Variants in NKAIN2 observed in about 807,000 individuals in gnomAD.
NKAIN2 encodes the protein sodium/potassium-transporting ATPase subunit beta-1-interacting protein 2.
Under a neutral mutation model 32.6 loss-of-function variants are expected in NKAIN2, and 14 were observed. The observed-to-expected ratio is 0.43, with a 90% CI of 0.28 to 0.67. NKAIN2 has a LOEUF of 0.67. Among genes scored for constraint, NKAIN2 ranks in the 30% least tolerant of loss-of-function variants. NKAIN2 has a pLI of 0.17. For missense variants in NKAIN2, 198 were observed against 258.3 expected (o/e 0.77, Z 1.60); for synonymous variants, 80 against 87.2 (o/e 0.92, Z 0.46).
At chr6:124,219,888 A>G (rs907545313) in intron 1 of NKAIN2, among the ~76,000 whole-genome samples, 22 of 152,216 alleles carry the variant, frequency 1.4e-4, no homozygotes, top group Non-Finnish European at 2.5e-4. Context: ...AATGCCAGGA[A>G]ATAAACAACA....
In NKAIN2 at chr6:123,971,362, A is replaced by G. The variant is rs375385092; in HGVS notation, c.54+167108A>G. Among the ~76,000 whole-genome samples the G allele has an allele frequency of 4.6e-5, 7 of 151,780 alleles. No homozygotes were observed. The South Asian group carries it at 1.5e-3, about 32-fold the overall frequency. Reference sequence around the variant, plus strand: ...TTATATAAAATATATTAATATAGTAATTATAACTGCCTTGTATTTTAATAC... The same window carrying G: ...TTATATAAAATATATTAATATAGTAGTTATAACTGCCTTGTATTTTAATAC... On this transcript the variant is annotated intron_variant, in intron 1 of 6. Transcript: ENST00000368417.
chr6:124,749,624 CTTTG>C (rs759835695), intron 4 of NKAIN2, among the ~76,000 whole-genome samples: 5 of 151,950 alleles, frequency 3.3e-5, no homozygotes, highest in African/African-American at 9.6e-5. Flanking sequence ...GGACTTTGTA[CTTTG>C]TTTATTTTGT....
intron 4 of NKAIN2, among the ~76,000 whole-genome samples, chr6:124,761,153 G>A (rs560379549): frequency 1.3e-5 from 2 of 152,194 alleles, no homozygotes; most frequent in South Asian, 2.1e-4. Context: ...AGCTGGTAAC[G>A]GAACAAAATT....
intron 1 of NKAIN2, among the ~76,000 whole-genome samples, chr6:124,027,908 A>G (rs918479246): frequency 6.6e-6 from 1 of 152,096 alleles, no homozygotes; most frequent in African/African-American, 2.4e-5. Flanking sequence ...CACTTAATCA[A>G]AATGTGTGGA....
At chr6:124,437,968 C>A in intron 3 of NKAIN2, 1 of 413,412 alleles carries the variant, frequency 2.4e-6, no homozygotes, top group Admixed American at 3.0e-5. Flanking sequence ...TAACTGGCAG[C>A]TCCTTATATC....
At chr6:124,333,778 TTA>T (rs1797760258) in intron 2 of NKAIN2, among the ~76,000 whole-genome samples, 1 of 152,216 alleles carries the variant, frequency 6.6e-6, no homozygotes, top group African/African-American at 2.4e-5. Context: ...AAGCTTGCAC[TTA>T]AGAACTAAGG....
At chr6:123,890,080 C>A (rs1773929837) in intron 1 of NKAIN2, among the ~76,000 whole-genome samples, 1 of 151,978 alleles carries the variant, frequency 6.6e-6, no homozygotes. Flanking sequence ...GCAATGGTCA[C>A]AGAGGAATTA....
chr6:124,551,692 A>G (rs961578557), intron 3 of NKAIN2, among the ~76,000 whole-genome samples: 12 of 152,246 alleles, frequency 7.9e-5, no homozygotes, highest in African/African-American at 2.9e-4. Flanking sequence ...TGACAGCATC[A>G]TTGTCAATCT....
At chr6:124,204,869 T>A (rs937807755) in intron 1 of NKAIN2, among the ~76,000 whole-genome samples, 1 of 151,668 alleles carries the variant, frequency 6.6e-6, no homozygotes, top group Non-Finnish European at 1.5e-5. Context: ...CATATTACTA[T>A]AATACAGTCT....
chr6:123,869,643 A>G (rs1161904316), intron 1 of NKAIN2, among the ~76,000 whole-genome samples: 1 of 152,208 alleles, frequency 6.6e-6, no homozygotes, highest in Non-Finnish European at 1.5e-5. Flanking sequence ...ATAACTGTAA[A>G]TAGCAGTGCT....
chr6:124,576,080 T>A (rs1781322025), intron 3 of NKAIN2, among the ~76,000 whole-genome samples: 1 of 152,164 alleles, frequency 6.6e-6, no homozygotes, highest in Admixed American at 6.5e-5. Context: ...CACTTAAAAA[T>A]AACCTTAATC....
chr6:124,244,874 A>G (rs1218858723), intron 1 of NKAIN2, among the ~76,000 whole-genome samples: 1 of 152,132 alleles, frequency 6.6e-6, no homozygotes, highest in Non-Finnish European at 1.5e-5. Context: ...TCACTAGTGG[A>G]AGATAATTTC....
intron 1 of NKAIN2, among the ~76,000 whole-genome samples, chr6:124,055,115 G>T (rs1420272182): frequency 6.6e-6 from 1 of 151,776 alleles, no homozygotes; most frequent in Admixed American, 6.6e-5. Context: ...TTAAATATCT[G>T]CCTCCTGAAC....
intron 1 of NKAIN2, among the ~76,000 whole-genome samples, chr6:123,842,756 G>T (rs1359216282): frequency 6.6e-6 from 1 of 152,020 alleles, no homozygotes; most frequent in African/African-American, 2.4e-5. Context: ...CTGAAACTAG[G>T]AACAGCTAAA....
In NKAIN2 at chr6:124,383,362, T is replaced by G. The variant is rs887993490; in HGVS notation, c.273+28015T>G. Among the ~76,000 whole-genome samples, 5 of 152,184 alleles carry G rather than the reference T, an allele frequency of 3.3e-5. No individual in the cohort carries two copies. The East Asian group carries it at 9.6e-4, about 29-fold the overall frequency. On this transcript the variant is annotated intron_variant, in intron 3 of 6. Coordinates refer to ENST00000368417, the MANE Select transcript of NKAIN2 (RefSeq NM_001040214.3). ...AGGGTGATCTTTCTAAAAGGGCAGA[T>G]TGTATAAGGTCACTTACCCACCAGA... is the stretch of plus-strand genomic sequence containing the variant.
chr6:124,003,359 G>A (rs1260004184), intron 1 of NKAIN2, among the ~76,000 whole-genome samples: 4 of 152,026 alleles, frequency 2.6e-5, no homozygotes, highest in African/African-American at 4.8e-5. Context: ...CTCTTTCCAT[G>A]GCTATATATG....
rs73557008 is a variant in NKAIN2, at chr6:123,964,742, C to T, written c.54+160488C>T. ...CTAACCCCATCTGGAAGCTCAGCTC[C>T]ACTCCTGTTCCTGGAGGAAGGCCAG... On this transcript the variant is annotated intron_variant, in intron 1 of 6. Transcript: ENST00000368417. This position sits in a 1 kb window ranked among gnomAD's most constrained non-coding sequence, Gnocchi z 4.0. Among the ~76,000 whole-genome samples, 2,780 of 152,242 alleles carry T rather than the reference C, an allele frequency of 0.018. 86 individuals carry two copies. The highest frequency in any genetic ancestry group is 0.063 in the African/African-American group (2,629 of 41,544).
chr6:123,842,866 A>G (rs1774932370), intron 1 of NKAIN2, among the ~76,000 whole-genome samples: 3 of 152,144 alleles, frequency 2.0e-5, no homozygotes, highest in East Asian at 3.9e-4. Context: ...TATCTGGTCC[A>G]GTTCTTTATG....
chr6:124,159,006 T>C (rs887145789), intron 1 of NKAIN2, among the ~76,000 whole-genome samples: 17 of 152,160 alleles, frequency 1.1e-4, no homozygotes, highest in African/African-American at 4.1e-4. Flanking sequence ...CACTATGACA[T>C]AGATGTAATG....
Sources: gnomAD v4.1 joint callset for allele counts (sites outside exome capture counted in the v4.1 genomes callset) on GRCh38, gnomAD v4.1.1 for gene constraint, Gnocchi (gnomAD v3.1) non-coding constraint, MANE v1.5 for transcripts, NCBI Gene and HGNC (gene_info 2026-07-23, HGNC 2026-07-21) for gene names.